PMS2: variants seen among roughly 807,000 people sequenced by gnomAD.
PMS2 encodes the protein mismatch repair endonuclease PMS2.
In PMS2, 69 loss-of-function variants were observed where a neutral mutation model predicts 90.0. The ratio of observed to expected loss-of-function variants is 0.77; its 90% CI spans 0.63 to 0.94. PMS2 has a LOEUF of 0.94. Ranked by LOEUF, PMS2 falls within the 40% of genes least tolerant of loss-of-function variation. The probability of loss-of-function intolerance (pLI) is 0.00; values close to 1 mark genes in which losing one functional copy is unlikely to be tolerated. For missense variants in PMS2, 966 were observed against 1,040.2 expected (o/e 0.93, Z 0.98); for synonymous variants, 332 against 375.1 (o/e 0.89, Z 1.33).
chr7:5,985,294 T>C (rs927526171), intron 11 of PMS2, among the ~76,000 whole-genome samples: 2 of 140,646 alleles, frequency 1.4e-5, no homozygotes, highest in African/African-American at 5.4e-5. Context: ...TTTTTAGAGA[T>C]GGGGCCTCAT....
chr7:5,996,282 G>A (rs905721856), intron 7 of PMS2, among the ~76,000 whole-genome samples: 8 of 152,006 alleles, frequency 5.3e-5, no homozygotes, highest in South Asian at 2.1e-4. Context: ...GGCTGGGTGT[G>A]GTGGCTCATG....
intron 12 of PMS2, among the ~76,000 whole-genome samples, chr7:5,979,219 A>AC (rs1298959838): frequency 2.8e-5 from 4 of 142,576 alleles, no homozygotes; most frequent in African/African-American, 1.1e-4. Context: ...AAAAAAAAAA[A>AC]AAAACACCCA....
intron 5 of PMS2, among the ~76,000 whole-genome samples, chr7:6,001,459 C>G (rs943772831): frequency 2.6e-5 from 4 of 151,710 alleles, no homozygotes; most frequent in African/African-American, 9.7e-5. Flanking sequence ...CAACCTCTGC[C>G]TCCCGGATTC....
chr7:6,008,888 C>T (rs2128864556), intron 1 of PMS2, 109 bp downstream of exon 1: 1 of 1,380,644 alleles, frequency 7.2e-7, no homozygotes, highest in South Asian at 1.2e-5. Flanking sequence ...GGGGCTGCCT[C>T]GCCACGCGCC....
At chr7:5,996,592 T>C (rs10253519) in intron 7 of PMS2, among the ~76,000 whole-genome samples, 23 of 87,378 alleles carry the variant, frequency 2.6e-4, no homozygotes, top group African/African-American at 8.4e-4. Flanking sequence ...AAAAAAAAAA[T>C]ATATATATAT....
At chr7:5,996,124 G>A (rs536754091) in intron 7 of PMS2, among the ~76,000 whole-genome samples, 73 of 152,186 alleles carry the variant, frequency 4.8e-4, no homozygotes, top group African/African-American at 1.6e-3. Flanking sequence ...CAGGGATACC[G>A]GCATTTCCAG....
chr7:5,999,616 C>A (rs554009968), intron 5 of PMS2, among the ~76,000 whole-genome samples: 79 of 151,518 alleles, frequency 5.2e-4, no homozygotes, highest in African/African-American at 1.8e-3. Flanking sequence ...CACAGCAAGA[C>A]CCTGTCTCTA....
intron 1 of PMS2, among the ~76,000 whole-genome samples, chr7:6,007,371 C>T (rs1785920172): frequency 6.6e-6 from 1 of 152,136 alleles, no homozygotes; most frequent in Non-Finnish European, 1.5e-5. Flanking sequence ...CTGCCTCGGC[C>T]TCCCAAAGTG....
In PMS2 at chr7:5,999,165, G is replaced by C. The variant is rs762387250; in HGVS notation, c.648C>G (p.Cys216Trp). ...LGQGKRQPVV[C>W]TGGSPSIKEN... ...CCTTTATGCTGGGGCTTCCACCTGT[G>C]CATACCACAGGCTGTCGTTTTCCTT... The change falls in exon 6 of 15, where the codon TGC (cysteine) becomes TGG (tryptophan). Residue 216 changes from cysteine (C) to tryptophan (W), a missense_variant. Around this residue, in one of 2 missense-constraint regions of PMS2, gnomAD observed 871 missense variants for 802.4 expected, o/e 1.09. Transcript: ENST00000265849. 2.5e-6 allele frequency: 4 copies of C among 1,613,974 alleles called. No homozygotes were observed. The African/African-American group carries it at 5.3e-5, about 22-fold the overall frequency.
intron 1 of PMS2, among the ~76,000 whole-genome samples, chr7:6,007,403 A>G (rs528395479): frequency 6.6e-4 from 101 of 152,262 alleles, no homozygotes; most frequent in African/African-American, 2.3e-3. Flanking sequence ...GGGGACCGCA[A>G]CCAGCCATCC....
Position 5,999,097 on chromosome 7 carries a change from G to C in PMS2, c.705+11C>G, listed in dbSNP as rs2128798806. On this transcript the variant is annotated intron_variant, in intron 6 of 14. Coordinates refer to ENST00000265849, the MANE Select transcript of PMS2 (RefSeq NM_000535.7). ...GCAATAAGAGGCGTTGAAGTAACCG[G>C]CCATCACTACCTGCTTCTGCCCAAA... 2 of 1,613,400 alleles carry C rather than the reference G, an allele frequency of 1.2e-6. No individual in the cohort carries two copies. The highest frequency in any genetic ancestry group is 1.7e-6 in the Non-Finnish European group (2 of 1,179,522).
intron 8 of PMS2, among the ~76,000 whole-genome samples, chr7:5,992,317 T>C (rs989794446): frequency 6.8e-6 from 1 of 147,878 alleles, no homozygotes; most frequent in Non-Finnish European, 1.5e-5. Context: ...ACAGGCAGGA[T>C]TTTTTTTTCT....
At chr7:5,978,548 G>C (rs1331012084) in intron 13 of PMS2, 48 bp downstream of exon 13, 2 of 1,483,250 alleles carry the variant, frequency 1.3e-6, no homozygotes, top group Non-Finnish European at 1.9e-6. Flanking sequence ...TGGGATTACA[G>C]ACGTGAGCCA....
rs1443900796 is a variant in PMS2, at chr7:5,982,355, G to A, written c.2174+469C>T. Among the ~76,000 whole-genome samples, 58 of 152,302 alleles carry A rather than the reference G, an allele frequency of 3.8e-4. 1 individual carries two copies. Among genetic ancestry groups the A allele is most frequent in the Middle Eastern group, 6.8e-3 (2 of 294 alleles). On this transcript the variant is annotated intron_variant, in intron 12 of 14. Transcript: ENST00000265849. Reference sequence around the variant, plus strand: ...CAAGTAGCTGGGACTACAGGCGCCCGCCACCACGCCTGGCTAATTTTGTAT... The same window carrying A: ...CAAGTAGCTGGGACTACAGGCGCCCACCACCACGCCTGGCTAATTTTGTAT...
intron 5 of PMS2, among the ~76,000 whole-genome samples, chr7:6,000,400 T>C (rs1475966011): frequency 7.7e-6 from 1 of 130,290 alleles, no homozygotes; most frequent in African/African-American, 2.9e-5. Flanking sequence ...AAAAAAAAAA[T>C]ACAACTTTCA....
rs558026232 is a variant in PMS2 at position 5,983,745 on chromosome 7, A to G, written c.2007-754T>C. Among the ~76,000 whole-genome samples the G allele has an allele frequency of 7.3e-5, 11 of 150,704 alleles. No homozygotes were observed. The East Asian group carries it at 2.2e-3, about 30-fold the overall frequency. On this transcript the variant is annotated intron_variant, in intron 11 of 14. Coordinates refer to ENST00000265849, the MANE Select transcript of PMS2 (RefSeq NM_000535.7). ...TGGCTCACTGCAACCTGCGCCTCCC[A>G]GGTTCGAGCGATTCTCCTGCCTCAG...
At chr7:6,004,513 C>T (rs370917934) in intron 2 of PMS2, 2 of 162,136 alleles carry the variant, frequency 1.2e-5, no homozygotes, top group South Asian at 3.3e-4. Flanking sequence ...GTCAGGAGTT[C>T]GAGACCAGCC....
chr7:5,983,318 T>C (rs1475028486), intron 11 of PMS2, among the ~76,000 whole-genome samples: 2 of 151,222 alleles, frequency 1.3e-5, no homozygotes, highest in Non-Finnish European at 2.9e-5. Context: ...ACCATGTTGG[T>C]CAGGCTGGTC....
intron 1 of PMS2, among the ~76,000 whole-genome samples, chr7:6,008,396 C>T (rs1198817412): frequency 2.0e-5 from 3 of 152,100 alleles, no homozygotes; most frequent in South Asian, 2.1e-4. Context: ...TTTTTAAAAA[C>T]TGCGCAGCTA....
Sources: gnomAD v4.1 joint callset for allele counts (sites outside exome capture counted in the v4.1 genomes callset) on GRCh38, gnomAD v4.1.1 for gene constraint, gnomAD v4.1.1 regional missense constraint, MANE v1.5 for transcripts, NCBI Gene and HGNC (gene_info 2026-07-23, HGNC 2026-07-21) for gene names.